Variants in SUMF1 observed in about 807,000 individuals in gnomAD.
The protein encoded by SUMF1 is formylglycine-generating enzyme.
Under a neutral mutation model 47.6 loss-of-function variants are expected in SUMF1, and 48 were observed. The observed-to-expected ratio is 1.01, with a 90% CI of 0.80 to 1.28. SUMF1 has a LOEUF of 1.28. Ranked by LOEUF, SUMF1 falls within the 50% of genes most tolerant of loss-of-function variation. The pLI, the probability that SUMF1 is intolerant of heterozygous loss-of-function variation, is 0.00. For missense variants in SUMF1, 571 were observed against 485.4 expected (o/e 1.18, Z -1.66); for synonymous variants, 230 against 192.1 (o/e 1.20, Z -1.63).
chr3:4,147,759 C>G (rs1257904623), intron 8 of SUMF1, among the ~76,000 whole-genome samples: 3 of 152,130 alleles, frequency 2.0e-5, no homozygotes, highest in Non-Finnish European at 2.9e-5. Context: ...CCTACCACCA[C>G]CACCCTCTTT....
At chr3:4,312,626 G>A (rs189920133) in intron 8 of SUMF1, among the ~76,000 whole-genome samples, 28 of 150,524 alleles carry the variant, frequency 1.9e-4, no homozygotes, top group Admixed American at 1.5e-3. Flanking sequence ...CAGGAGAATC[G>A]CTTGAGCCCA....
At position 4,418,039 on chromosome 3, in the gene SUMF1, T is replaced by C; in HGVS notation, c.696A>G (p.Glu232=). Reference sequence around the variant, plus strand: ...TATGCAGGCCTCCTCGACAGCTGTATTCCCACTCAGCTTCCGTGGGCAGCC... The same window carrying C: ...TATGCAGGCCTCCTCGACAGCTGTACTCCCACTCAGCTTCCGTGGGCAGCC... ...GKRLPTEAEW[E]YSCRGGLHNR... is the part of the protein sequence containing the mutation. The change falls in exon 5 of 9, where the codon GAA becomes GAG. Residue 232 remains glutamate (E), a synonymous_variant. Coordinates refer to ENST00000272902, the MANE Select transcript of SUMF1 (RefSeq NM_182760.4). 2 of 1,613,992 alleles carry C rather than the reference T, an allele frequency of 1.2e-6. No homozygotes were observed. Among genetic ancestry groups the C allele is most frequent in the South Asian group, 2.2e-5 (2 of 91,076 alleles).
intron 1 of SUMF1, among the ~76,000 whole-genome samples, chr3:4,456,035 G>C (rs1233427374): frequency 1.3e-5 from 2 of 152,092 alleles, no homozygotes; most frequent in African/African-American, 2.4e-5. Flanking sequence ...AAAATTAAGT[G>C]GGGTTTATCC....
intron 8 of SUMF1, among the ~76,000 whole-genome samples, chr3:4,117,242 T>C (rs1177729634): frequency 6.6e-6 from 1 of 152,086 alleles, no homozygotes; most frequent in Admixed American, 6.6e-5. Context: ...TTTCTTACTT[T>C]ATAAGTAAAG....
intron 8 of SUMF1, among the ~76,000 whole-genome samples, chr3:4,076,952 C>T (rs1311466980): frequency 1.3e-5 from 2 of 151,748 alleles, no homozygotes; most frequent in African/African-American, 2.4e-5. Flanking sequence ...TGCAGTGAGC[C>T]GAGATCGTGC....
intron 8 of SUMF1, among the ~76,000 whole-genome samples, chr3:4,149,064 A>G (rs923522713): frequency 2.0e-5 from 3 of 152,154 alleles, no homozygotes; most frequent in Non-Finnish European, 2.9e-5. Context: ...AATCATTCAC[A>G]GTTCCTAACG....
intron 8 of SUMF1, among the ~76,000 whole-genome samples, chr3:4,077,828 A>G (rs891535012): frequency 6.6e-6 from 1 of 152,190 alleles, no homozygotes; most frequent in Admixed American, 6.5e-5. Context: ...GCATTAAACT[A>G]TATAAGATGA....
chr3:4,455,881 C>T (rs1280223513), intron 1 of SUMF1, among the ~76,000 whole-genome samples: 2 of 152,000 alleles, frequency 1.3e-5, no homozygotes, highest in Non-Finnish European at 2.9e-5. Context: ...ATGATACCAG[C>T]ATTACACTGA....
At chr3:4,382,236 T>C (rs1038762086) in intron 7 of SUMF1, among the ~76,000 whole-genome samples, 4 of 152,094 alleles carry the variant, frequency 2.6e-5, no homozygotes, top group East Asian at 1.9e-4. Flanking sequence ...GGTGTCACGA[T>C]AAAAGCCATG....
In SUMF1 at chr3:4,362,155, T is replaced by TGGGCAGGC. The variant is rs1218471861; in HGVS notation, c.1106_1113dup (p.Thr372AlafsTer61). The TGGGCAGGC allele has an allele frequency of 1.2e-6, 2 of 1,614,002 alleles. No individual in the cohort carries two copies. Among genetic ancestry groups the TGGGCAGGC allele is most frequent in the Non-Finnish European group, 1.7e-6 (2 of 1,180,014 alleles). ...ACTTTCCTTGGTTGTCAGTCCATAG[T>TGGGCAGGC]GGGCAGGCGGTCGGCTGCACAGCGG... is the stretch of plus-strand genomic sequence containing the variant. On this transcript the variant is annotated frameshift_variant, in exon 9 of 9. Coordinates refer to ENST00000272902, the MANE Select transcript of SUMF1 (RefSeq NM_182760.4). LOFTEE classifies it high-confidence loss of function.
At chr3:4,134,708 A>G (rs1173923205) in intron 8 of SUMF1, among the ~76,000 whole-genome samples, 1 of 152,090 alleles carries the variant, frequency 6.6e-6, no homozygotes. Flanking sequence ...AGATCAACAA[A>G]ATTGATAGTC....
chr3:4,185,956 G>A (rs1304677429), intron 8 of SUMF1, among the ~76,000 whole-genome samples: 3 of 152,168 alleles, frequency 2.0e-5, no homozygotes, highest in African/African-American at 2.4e-5. Flanking sequence ...GGAAGTACCA[G>A]AAGCAAATGT....
intron 8 of SUMF1, among the ~76,000 whole-genome samples, chr3:4,232,888 C>A (rs1483697655): frequency 3.9e-5 from 6 of 152,090 alleles, no homozygotes; most frequent in African/African-American, 1.4e-4. Context: ...AGACAAATCC[C>A]CACAGAGTCA....
At chr3:4,095,901 C>G (rs561378885) in intron 8 of SUMF1, among the ~76,000 whole-genome samples, 94 of 152,206 alleles carry the variant, frequency 6.2e-4, no homozygotes, top group Admixed American at 1.6e-3. Context: ...TTTTAAGGCC[C>G]AACTCAGCCA....
chr3:4,303,876 A>G, intron 8 of SUMF1: 1 of 1,289,872 alleles, frequency 7.8e-7, no homozygotes. Context: ...CAGGTAGGAT[A>G]AGCCGTGGGG....
chr3:4,449,150 G>T, intron 3 of SUMF1, 116 bp downstream of exon 3: 1 of 1,128,306 alleles, frequency 8.9e-7, no homozygotes, highest in Non-Finnish European at 1.4e-6. Context: ...TCCTCAGCAG[G>T]AGAATGGTTA....
chr3:4,266,365 T>G (rs568735764), intron 8 of SUMF1, among the ~76,000 whole-genome samples: 2 of 152,336 alleles, frequency 1.3e-5, no homozygotes, highest in East Asian at 3.9e-4. Context: ...CCCATGAGCA[T>G]GGAATGTTCT....
intron 8 of SUMF1, among the ~76,000 whole-genome samples, chr3:4,151,121 G>C (rs1694309335): frequency 6.6e-6 from 1 of 151,142 alleles, no homozygotes; most frequent in African/African-American, 2.5e-5. Flanking sequence ...CAGTCTGTCA[G>C]TCTAGGGGTT....
chr3:4,202,444 TA>T (rs1256547443), intron 8 of SUMF1, among the ~76,000 whole-genome samples: 1 of 152,044 alleles, frequency 6.6e-6, no homozygotes, highest in African/African-American at 2.4e-5. Context: ...ATGAGTTCTC[TA>T]CCCTGTTCCA....
Sources: allele counts gnomAD v4.1 joint callset (sites outside exome capture counted in the v4.1 genomes callset), GRCh38; gene constraint gnomAD v4.1.1; transcripts MANE v1.5; gene names NCBI Gene and HGNC (gene_info 2026-07-23, HGNC 2026-07-21).